Variants in PTBP3 observed in about 807,000 individuals in gnomAD.
PTBP3 encodes the protein polypyrimidine tract-binding protein 3.
PTBP3 carries 20 observed loss-of-function variants against 58.7 expected under a neutral mutation model. The observed-to-expected ratio is 0.34, with a 90% CI of 0.24 to 0.50. The LOEUF is 0.50. Among genes scored for constraint, PTBP3 ranks in the 20% least tolerant of loss-of-function variants. The pLI is 0.98. For synonymous variants in PTBP3, 185 were observed against 219.8 expected, an observed-to-expected ratio of 0.84 and a Z score of 1.40; for missense variants, 509 against 637.2, an observed-to-expected ratio of 0.80 and a Z score of 2.17.
chr9:112,288,914 TA>T (rs1345727675), intron 2 of PTBP3, among the ~76,000 whole-genome samples: 1 of 152,234 alleles, frequency 6.6e-6, no homozygotes, highest in African/African-American at 2.4e-5. Flanking sequence ...GTACGCAAAT[TA>T]ACTGATCAGA....
At chr9:112,332,916 C>T (rs963859081) in intron 1 of PTBP3, 111 of 1,563,930 alleles carry the variant, frequency 7.1e-5, no homozygotes, top group Non-Finnish European at 7.8e-5. Context: ...GAGACCTCGG[C>T]CAAGTCCCGC....
chr9:112,367,221 T>G, the PTBP3 span, among the ~76,000 whole-genome samples: 4 of 152,204 alleles, frequency 2.6e-5, no homozygotes, highest in Non-Finnish European at 5.9e-5. Flanking sequence ...ATAAAAAAAC[T>G]TTAGACTACA....
the PTBP3 span, among the ~76,000 whole-genome samples, chr9:112,368,977 G>C: frequency 2.0e-5 from 3 of 152,328 alleles, no homozygotes; most frequent in African/African-American, 7.2e-5. Flanking sequence ...TGCTTCAGAG[G>C]GTCCAATCCC....
At chr9:112,333,145 C>T (rs1830448854) in intron 1 of PTBP3, 3 of 1,235,540 alleles carry the variant, frequency 2.4e-6, no homozygotes, top group Non-Finnish European at 2.0e-6. Context: ...CTGGGCTCCC[C>T]GGACTCGGGG....
At chr9:112,307,088 G>T (rs914990956) in intron 1 of PTBP3, among the ~76,000 whole-genome samples, 2 of 152,046 alleles carry the variant, frequency 1.3e-5, no homozygotes, top group African/African-American at 4.8e-5. Flanking sequence ...TAAGTAAAGG[G>T]GACCCTAGTA....
At position 112,223,824 on chromosome 9, in the gene PTBP3, G is replaced by C. The variant is rs1219091645; in HGVS notation, c.*27C>G. ...AAGGTTTTACTGAAATTATGGTCCA[G>C]TTTTAGGAGAAAAATTCACAGAAAA... is the stretch of plus-strand genomic sequence containing the variant. On this transcript the variant is annotated 3_prime_UTR_variant, in exon 14 of 14. Transcript: ENST00000374257. The C allele has an allele frequency of 6.2e-7, 1 of 1,613,234 alleles. No homozygotes were observed. Among genetic ancestry groups the C allele is most frequent in the Non-Finnish European group, 8.5e-7 (1 of 1,179,608 alleles).
intron 2 of PTBP3, among the ~76,000 whole-genome samples, chr9:112,295,882 G>A (rs1030541069): frequency 6.6e-6 from 1 of 152,150 alleles, no homozygotes. Flanking sequence ...TGTAGGTAAA[G>A]GTTCGGGGAA....
At position 112,221,694 on chromosome 9, in the gene PTBP3, T is replaced by C. The variant is rs998783645; in HGVS notation, c.*2157A>G. On this transcript the variant is annotated 3_prime_UTR_variant, in exon 14 of 14. Transcript: ENST00000374257. Reference sequence around the variant, plus strand: ...CTACATACATGAGTATATCTATCTATTCAGCCAAACTGATCCATTTGAAAA... The same window carrying C: ...CTACATACATGAGTATATCTATCTACTCAGCCAAACTGATCCATTTGAAAA... 5.1e-6 allele frequency: 5 copies of C among 985,172 alleles called. No homozygotes were observed. The African/African-American group carries it at 7.0e-5, about 14-fold the overall frequency. The allele number at this position is 985,172 out of a possible 1,614,324, so 61.0% of individuals were successfully genotyped here.
chr9:112,309,210 TA>T (rs1829367109), intron 1 of PTBP3, among the ~76,000 whole-genome samples: 1 of 152,084 alleles, frequency 6.6e-6, no homozygotes, highest in African/African-American at 2.4e-5. Flanking sequence ...CTTTTTTTTT[TA>T]AATTAATAGC....
intron 1 of PTBP3, among the ~76,000 whole-genome samples, chr9:112,332,423 A>AACG (rs1587904926): frequency 6.6e-6 from 1 of 152,204 alleles, no homozygotes; most frequent in South Asian, 2.1e-4. Flanking sequence ...GCAACATGTG[A>AACG]ACGACTTTTA....
chr9:112,256,812 T>A (rs1388569511), intron 5 of PTBP3, among the ~76,000 whole-genome samples: 1 of 152,052 alleles, frequency 6.6e-6, no homozygotes, highest in Admixed American at 6.6e-5. Flanking sequence ...CCTGAGCTAC[T>A]GCACCCAGCT....
chr9:112,252,461 G>A (rs1326325207), intron 6 of PTBP3: 1 of 523,222 alleles, frequency 1.9e-6, no homozygotes, highest in Non-Finnish European at 3.4e-6. Context: ...TCAGAGATGT[G>A]AGAGGTGATA....
Position 112,221,361 on chromosome 9 carries a change from C to G in PTBP3, c.*2490G>C, listed in dbSNP as rs1834800627. On this transcript the variant is annotated 3_prime_UTR_variant, in exon 14 of 14. Coordinates refer to ENST00000374257, the MANE Select transcript of PTBP3 (RefSeq NM_001163788.4). ...TCTCTCTCAGACTTAAAAGGCCATT[C>G]CCTACTTCAAAGTTACATTCAACAC... is the stretch of plus-strand genomic sequence containing the variant. 2.0e-6 allele frequency: 2 copies of G among 985,764 alleles called. No homozygotes were observed. Among genetic ancestry groups the G allele is most frequent in the Non-Finnish European group, 2.4e-6 (2 of 829,916 alleles). 61.1% of individuals were successfully genotyped at this position (985,764 alleles called of 1,614,324 possible). A position where few individuals can be genotyped will look rare whatever the true frequency, so the allele number is the denominator to read the frequency against.
chr9:112,338,309 A>T (rs1419378492), upstream of PTBP3, among the ~76,000 whole-genome samples: 1 of 152,226 alleles, frequency 6.6e-6, no homozygotes, highest in Non-Finnish European at 1.5e-5. Context: ...ACTTTAGATA[A>T]ACACATGCAT....
At chr9:112,349,662 C>A in the PTBP3 span, among the ~76,000 whole-genome samples, 1 of 151,698 alleles carries the variant, frequency 6.6e-6, no homozygotes, top group Admixed American at 6.6e-5. Context: ...AGTTCAGGAC[C>A]AGCCTGGCCA....
chr9:112,366,847 C>T, the PTBP3 span, among the ~76,000 whole-genome samples: 1 of 152,162 alleles, frequency 6.6e-6, no homozygotes, highest in African/African-American at 2.4e-5. Flanking sequence ...CCTGGAAAAG[C>T]TGCAGACACT....
rs1834855802 is a variant in PTBP3 at position 112,222,992 on chromosome 9, T to C, written c.*859A>G. On this transcript the variant is annotated 3_prime_UTR_variant, in exon 14 of 14. Transcript: ENST00000374257. ...CTGTAAACTTTTTTTCTGAAAACAA[T>C]TATAAAAAAGTAGTTTATAAGTAGG... is the stretch of plus-strand genomic sequence containing the variant. The C allele has an allele frequency of 1.2e-6, 1 of 850,190 alleles. No homozygotes were observed. Among genetic ancestry groups the C allele is most frequent in the Admixed American group, 6.2e-5 (1 of 16,050 alleles). 52.7% of individuals were successfully genotyped at this position (850,190 alleles called of 1,614,324 possible). A position where few individuals can be genotyped will look rare whatever the true frequency, so the allele number is the denominator to read the frequency against.
intron 1 of PTBP3, among the ~76,000 whole-genome samples, chr9:112,301,606 G>C (rs573732372): frequency 6.6e-6 from 1 of 152,290 alleles, no homozygotes; most frequent in East Asian, 1.9e-4. Flanking sequence ...GAGATGGTTG[G>C]GTGGAGGTGG....
chr9:112,247,785 AG>A (rs1835947880), intron 7 of PTBP3, among the ~76,000 whole-genome samples: 1 of 152,246 alleles, frequency 6.6e-6, no homozygotes, highest in Non-Finnish European at 1.5e-5. Context: ...AACTGTATTT[AG>A]TAAGAATGTC....
Sources: allele counts gnomAD v4.1 joint callset (sites outside exome capture counted in the v4.1 genomes callset), GRCh38; gene constraint gnomAD v4.1.1; transcripts MANE v1.5; gene names NCBI Gene and HGNC (gene_info 2026-07-23, HGNC 2026-07-21).